OR10AD1: variants seen among roughly 807,000 people sequenced by gnomAD.
OR10AD1 encodes the protein olfactory receptor 10AD1.
For synonymous variants in OR10AD1, 115 were observed against 72.2 expected, an observed-to-expected ratio of 1.59 and a Z score of -3.00; for missense variants, 309 against 192.7, an observed-to-expected ratio of 1.60 and a Z score of -3.57.
chr12:48,202,439 A>G lies in OR10AD1; in HGVS notation c.854T>C (p.Met285Thr), dbSNP rs1441111384. The change falls in exon 1 of 1, where the codon ATG becomes ACG. Residue 285 changes from methionine (M) to threonine (T), a missense_variant. Transcript: ENST00000310248. ...GAAACTATAAATGATGGGGTTGCACATGGGGGTAATGATGGTGTACAGGAG... is the reference window on the plus strand; with the variant it reads ...GAAACTATAAATGATGGGGTTGCACGTGGGGGTAATGATGGTGTACAGGAG... ...FSLLYTIITP[M>T]CNPIIYSFRN... 1 of 780,938 alleles carries G rather than the reference A, an allele frequency of 1.3e-6. No homozygotes were observed. The highest frequency in any genetic ancestry group is 1.7e-5 in the Admixed American group (1 of 59,020). 48.4% of individuals were successfully genotyped at this position (780,938 alleles called of 1,614,324 possible). A position where few individuals can be genotyped will look rare whatever the true frequency, so the allele number is the denominator to read the frequency against.
At position 48,202,576 on chromosome 12, in the gene OR10AD1, GAAAGTCTTC is replaced by G. The variant is rs749821925; in HGVS notation, c.708_716del (p.Lys237_Phe239del). On this transcript the variant is annotated inframe_deletion, in exon 1 of 1. Transcript: ENST00000310248. ...CAGTCAGGTGAGAGGCACAAGTAGAGAAAGTCTTCCCCCGACCTGAGGAGGAGGCTTTGC... is the reference window on the plus strand; with the variant it reads ...CAGTCAGGTGAGAGGCACAAGTAGAGCCCCGACCTGAGGAGGAGGCTTTGC... 10 of 781,094 alleles carry G rather than the reference GAAAGTCTTC, an allele frequency of 1.3e-5. No homozygotes were observed. The highest frequency in any genetic ancestry group is 2.4e-5 in the Non-Finnish European group (10 of 418,134). 48.4% of individuals were successfully genotyped at this position (781,094 alleles called of 1,614,324 possible).
chr12:48,202,477 G>A lies in OR10AD1; in HGVS notation c.816C>T (p.Asp272=). The change falls in exon 1 of 1, where the codon GAC becomes GAT. Residue 272 remains aspartate, a synonymous_variant. Transcript: ENST00000310248. ...TGGTGTACAGGAGGGAGAAAGGTTT[G>A]TCTTTGTCAGGCCCATGTGTGCTGT... ...NPHSTHGPDK[D]KPFSLLYTII... is the part of the protein sequence containing the mutation. 1.3e-6 allele frequency: 1 copy of A among 781,036 alleles called. No individual in the cohort carries two copies. Among genetic ancestry groups the A allele is most frequent in the Middle Eastern group, 2.3e-4 (1 of 4,442 alleles). The allele number at this position is 781,036 out of a possible 1,614,324, so 48.4% of individuals were successfully genotyped here. A position where few individuals can be genotyped will look rare whatever the true frequency, so the allele number is the denominator to read the frequency against.
In OR10AD1 at chr12:48,202,879, GC is replaced by G; in HGVS notation, c.413del (p.Ser138ThrfsTer17). 1.3e-6 allele frequency: 1 copy of G among 780,998 alleles called. No homozygotes were observed. Among genetic ancestry groups the G allele is most frequent in the Non-Finnish European group, 2.4e-6 (1 of 418,112 alleles). The allele number at this position is 780,998 out of a possible 1,614,324, so 48.4% of individuals were successfully genotyped here. ...CYPLNYVPII[S>X]QKVCVRLVGT... ...CCACAAGCCTGACACAGACCTTCTG[GC>G]TTATGATCGGGACATAGTTAAGTGG... On this transcript the variant is annotated frameshift_variant, in exon 1 of 1. Coordinates refer to ENST00000310248, the MANE Select transcript of OR10AD1 (RefSeq NM_001004134.1). LOFTEE classifies it low-confidence loss of function (END_TRUNC).
Position 48,202,740 on chromosome 12 carries a change from C to T in OR10AD1, c.553G>A (p.Val185Met). 1.3e-6 allele frequency: 1 copy of T among 781,020 alleles called. No individual in the cohort carries two copies. Among genetic ancestry groups the T allele is most frequent in the Non-Finnish European group, 2.4e-6 (1 of 418,096 alleles). 48.4% of individuals were successfully genotyped at this position (781,020 alleles called of 1,614,324 possible). A position where few individuals can be genotyped will look rare whatever the true frequency, so the allele number is the denominator to read the frequency against. ...GGGTCCCCACAAGAGAGGCCAATCACTATGGGGGCCTCACAGAAGAAGCTT... is the reference window on the plus strand; with the variant it reads ...GGGTCCCCACAAGAGAGGCCAATCATTATGGGGGCCTCACAGAAGAAGCTT... ...IESFFCEAPI[V>M]IGLSCGDPQF... The change falls in exon 1 of 1, where the codon GTG becomes ATG. Residue 185 changes from valine to methionine, a missense_variant. Val to Met is a conservative substitution (Grantham distance 21). Transcript: ENST00000310248.
rs1951607231 is a variant in OR10AD1, at chr12:48,203,060, G to T, written c.233C>A (p.Thr78Asn). Residue 78 changes from threonine (T) to asparagine (N), a missense_variant, in exon 1 of 1, where the codon ACC becomes AAC. By Grantham distance (65) the Thr-to-Asn change is moderately conservative. Coordinates refer to ENST00000310248, the MANE Select transcript of OR10AD1 (RefSeq NM_001004134.1). The stretch of plus-strand genomic sequence containing the variant: ...GAGGTGGATCAACATCTGTGGGATG[G>T]TAGTGGTGATGAAGCAGACATCCAG... The part of the protein sequence containing the change: ...SLLDVCFITT[T>N]IPQMLIHLVV... 1 of 780,796 alleles carries T rather than the reference G, an allele frequency of 1.3e-6. No homozygotes were observed. The highest frequency in any genetic ancestry group is 1.7e-5 in the African/African-American group (1 of 59,180). The allele number at this position is 780,796 out of a possible 1,614,324, so 48.4% of individuals were successfully genotyped here.
rs1202781551 is a variant in OR10AD1, at chr12:48,202,389, T to C, written c.904A>G (p.Met302Val). 1 of 780,252 alleles carries C rather than the reference T, an allele frequency of 1.3e-6. No homozygotes were observed. The highest frequency in any genetic ancestry group is 1.3e-5 in the South Asian group (1 of 74,532). 48.3% of individuals were successfully genotyped at this position (780,252 alleles called of 1,614,324 possible). A position where few individuals can be genotyped will look rare whatever the true frequency, so the allele number is the denominator to read the frequency against. Reference sequence around the variant, plus strand: ...CTGGTTCTTCCAAGTGCCCTCACCATGGCCTCCTTAATTTCCTTGTTGCGG... The same window carrying C: ...CTGGTTCTTCCAAGTGCCCTCACCACGGCCTCCTTAATTTCCTTGTTGCGG... Reference protein sequence around the residue: ...SFRNKEIKEAMVRALGRTRLA... With the variant: ...SFRNKEIKEAVVRALGRTRLA... Residue 302 changes from methionine to valine, a missense_variant, in exon 1 of 1, where the codon ATG becomes GTG. Coordinates refer to ENST00000310248, the MANE Select transcript of OR10AD1 (RefSeq NM_001004134.1).
chr12:48,202,568 C>G lies in OR10AD1; in HGVS notation c.725G>C (p.Cys242Ser). 1.3e-6 allele frequency: 1 copy of G among 780,966 alleles called. No homozygotes were observed. Among genetic ancestry groups the G allele is most frequent in the Non-Finnish European group, 2.4e-6 (1 of 418,102 alleles). 48.4% of individuals were successfully genotyped at this position (780,966 alleles called of 1,614,324 possible). Residue 242 changes from cysteine to serine, a missense_variant, in exon 1 of 1, where the codon TGT becomes TCT. By Grantham distance (112) the Cys-to-Ser change is moderately radical. Transcript: ENST00000310248. ...SSGRGKTFST[C>S]ASHLTVVIFL... Reference sequence around the variant, plus strand: ...GATGACCACAGTCAGGTGAGAGGCACAAGTAGAGAAAGTCTTCCCCCGACC... The same window carrying G: ...GATGACCACAGTCAGGTGAGAGGCAGAAGTAGAGAAAGTCTTCCCCCGACC...
chr12:48,202,436 C>G lies in OR10AD1; in HGVS notation c.857G>C (p.Cys286Ser). The change falls in exon 1 of 1, where the codon TGC (cysteine) becomes TCC (serine). Residue 286 changes from cysteine (C) to serine (S), a missense_variant. Transcript: ENST00000310248. Reference protein sequence around the residue: ...SLLYTIITPMCNPIIYSFRNK... With the variant: ...SLLYTIITPMSNPIIYSFRNK... ...GCGGAAACTATAAATGATGGGGTTG[C>G]ACATGGGGGTAATGATGGTGTACAG... 1.3e-6 allele frequency: 1 copy of G among 781,016 alleles called. No homozygotes were observed. Among genetic ancestry groups the G allele is most frequent in the Non-Finnish European group, 2.4e-6 (1 of 418,130 alleles). The allele number at this position is 781,016 out of a possible 1,614,324, so 48.4% of individuals were successfully genotyped here.
rs773549588 is a variant in OR10AD1 at position 48,202,475 on chromosome 12, TTG to T, written c.816_817del (p.Asp272GlufsTer20). On this transcript the variant is annotated frameshift_variant, in exon 1 of 1. Coordinates refer to ENST00000310248, the MANE Select transcript of OR10AD1 (RefSeq NM_001004134.1). LOFTEE classifies it low-confidence loss of function (END_TRUNC). ...GATGGTGTACAGGAGGGAGAAAGGT[TTG>T]TCTTTGTCAGGCCCATGTGTGCTGT... 1.7e-5 allele frequency: 13 copies of T among 781,054 alleles called. No individual in the cohort carries two copies. Among genetic ancestry groups the T allele is most frequent in the Non-Finnish European group, 3.1e-5 (13 of 418,120 alleles). 48.4% of individuals were successfully genotyped at this position (781,054 alleles called of 1,614,324 possible). A position where few individuals can be genotyped will look rare whatever the true frequency, so the allele number is the denominator to read the frequency against.
chr12:48,202,440 T>C lies in OR10AD1; in HGVS notation c.853A>G (p.Met285Val), dbSNP rs774565399. ...FSLLYTIITP[M>V]CNPIIYSFRN... is the part of the protein sequence containing the mutation. ...AAACTATAAATGATGGGGTTGCACA[T>C]GGGGGTAATGATGGTGTACAGGAGG... The change falls in exon 1 of 1, where the codon ATG (methionine) becomes GTG (valine). Residue 285 changes from methionine to valine, a missense_variant. Met to Val is a conservative substitution (Grantham distance 21). Coordinates refer to ENST00000310248, the MANE Select transcript of OR10AD1 (RefSeq NM_001004134.1). 2 of 780,904 alleles carry C rather than the reference T, an allele frequency of 2.6e-6. No homozygotes were observed. Among genetic ancestry groups the C allele is most frequent in the East Asian group, 2.4e-5 (1 of 41,266 alleles). The allele number at this position is 780,904 out of a possible 1,614,324, so 48.4% of individuals were successfully genotyped here.
rs748206108 is a variant in OR10AD1, at chr12:48,202,529, G to C, written c.764C>G (p.Ser255Ter). The C allele has an allele frequency of 1.3e-6, 1 of 781,058 alleles. No homozygotes were observed. Among genetic ancestry groups the C allele is most frequent in the Non-Finnish European group, 2.4e-6 (1 of 418,110 alleles). The allele number at this position is 781,058 out of a possible 1,614,324, so 48.4% of individuals were successfully genotyped here. The change falls in exon 1 of 1, where the codon TCA becomes TGA. Residue 255 changes from serine to a stop codon, truncating the protein, a stop_gained. Transcript: ENST00000310248. LOFTEE classifies it low-confidence loss of function (END_TRUNC). ...HLTVVIFLYTSAMFSYMNPHS... is the reference protein window; with the variant it reads ...HLTVVIFLYT ...GGGGTTCATGTAAGAGAACATAGCTGAAGTGTAGAGAAAGATGACCACAGT... is the reference window on the plus strand; with the variant it reads ...GGGGTTCATGTAAGAGAACATAGCTCAAGTGTAGAGAAAGATGACCACAGT...
Position 48,202,388 on chromosome 12 carries a change from A to G in OR10AD1, c.905T>C (p.Met302Thr), listed in dbSNP as rs747734449. 1 of 780,126 alleles carries G rather than the reference A, an allele frequency of 1.3e-6. No homozygotes were observed. The highest frequency in any genetic ancestry group is 1.3e-5 in the South Asian group (1 of 74,512). The allele number at this position is 780,126 out of a possible 1,614,324, so 48.3% of individuals were successfully genotyped here. ...CCTGGTTCTTCCAAGTGCCCTCACCATGGCCTCCTTAATTTCCTTGTTGCG... is the reference window on the plus strand; with the variant it reads ...CCTGGTTCTTCCAAGTGCCCTCACCGTGGCCTCCTTAATTTCCTTGTTGCG... ...SFRNKEIKEA[M>T]VRALGRTRLA... Residue 302 changes from methionine to threonine, a missense_variant, in exon 1 of 1, where the codon ATG (methionine) becomes ACG (threonine). By Grantham distance (81) the Met-to-Thr change is moderately conservative. Coordinates refer to ENST00000310248, the MANE Select transcript of OR10AD1 (RefSeq NM_001004134.1).
rs11830378 is a variant in OR10AD1 at position 48,202,471 on chromosome 12, A to C, written c.822T>G (p.Pro274=). 0.075 allele frequency: 58,243 copies of C among 780,960 alleles called. 2,710 individuals carry two copies. Among genetic ancestry groups the C allele is most frequent in the Non-Finnish European group, 0.095 (39,659 of 418,082 alleles). 48.4% of individuals were successfully genotyped at this position (780,960 alleles called of 1,614,324 possible). A position where few individuals can be genotyped will look rare whatever the true frequency, so the allele number is the denominator to read the frequency against. The change falls in exon 1 of 1, where the codon CCT becomes CCG. Residue 274 remains proline, a synonymous_variant. Transcript: ENST00000310248. ...TAATGATGGTGTACAGGAGGGAGAA[A>C]GGTTTGTCTTTGTCAGGCCCATGTG... The part of the protein sequence containing the change: ...HSTHGPDKDK[P]FSLLYTIITP...
At position 48,203,198 on chromosome 12, in the gene OR10AD1, A is replaced by G. The variant is rs781747840; in HGVS notation, c.95T>C (p.Leu32Ser). ...GGCCATGGTGAGGCTGTAGAGGGCC[A>G]AGAAGAGGGCAAAGAGCAATGCTCG... The part of the protein sequence containing the change: ...STRALLFALF[L>S]ALYSLTMAMN... The change falls in exon 1 of 1, where the codon TTG becomes TCG. Residue 32 changes from leucine to serine, a missense_variant. Coordinates refer to ENST00000310248, the MANE Select transcript of OR10AD1 (RefSeq NM_001004134.1). 1.3e-6 allele frequency: 1 copy of G among 781,094 alleles called. No homozygotes were observed. The highest frequency in any genetic ancestry group is 2.4e-5 in the East Asian group (1 of 41,246). 48.4% of individuals were successfully genotyped at this position (781,094 alleles called of 1,614,324 possible).
Position 48,203,259 on chromosome 12 carries a change from T to C in OR10AD1, c.34A>G (p.Ile12Val), listed in dbSNP as rs1951610261. The change falls in exon 1 of 1, where the codon ATC becomes GTC. Residue 12 changes from isoleucine (I) to valine (V), a missense_variant. Ile to Val is a conservative substitution (Grantham distance 29, BLOSUM62 3). Coordinates refer to ENST00000310248, the MANE Select transcript of OR10AD1 (RefSeq NM_001004134.1). ...GAGCTCTGCTGAAAGCCCACGAGGA[T>C]AAATTCCGTCACTATGCTGCCATTC... Reference protein sequence around the residue: ...LRNGSIVTEFILVGFQQSSTS... With the variant: ...LRNGSIVTEFVLVGFQQSSTS... The C allele has an allele frequency of 1.3e-6, 1 of 780,770 alleles. No homozygotes were observed. Among genetic ancestry groups the C allele is most frequent in the African/African-American group, 1.7e-5 (1 of 59,148 alleles). The allele number at this position is 780,770 out of a possible 1,614,324, so 48.4% of individuals were successfully genotyped here.
chr12:48,203,221 T>C lies in OR10AD1; in HGVS notation c.72A>G (p.Arg24=). 1 of 781,052 alleles carries C rather than the reference T, an allele frequency of 1.3e-6. No homozygotes were observed. The highest frequency in any genetic ancestry group is 2.4e-6 in the Non-Finnish European group (1 of 418,124). The allele number at this position is 781,052 out of a possible 1,614,324, so 48.4% of individuals were successfully genotyped here. ...VGFQQSSTST[R]ALLFALFLAL... ...CCAAGAAGAGGGCAAAGAGCAATGCTCGTGTGGAAGTGGAGCTCTGCTGAA... is the reference window on the plus strand; with the variant it reads ...CCAAGAAGAGGGCAAAGAGCAATGCCCGTGTGGAAGTGGAGCTCTGCTGAA... Residue 24 remains arginine (R), a synonymous_variant, in exon 1 of 1, where the codon CGA becomes CGG. Transcript: ENST00000310248.
chr12:48,202,758 A>G lies in OR10AD1; in HGVS notation c.535T>C (p.Phe179Leu), dbSNP rs1951603016. The change falls in exon 1 of 1, where the codon TTC becomes CTC. Residue 179 changes from phenylalanine (F) to leucine (L), a missense_variant. By Grantham distance (22) the Phe-to-Leu change is conservative. Coordinates refer to ENST00000310248, the MANE Select transcript of OR10AD1 (RefSeq NM_001004134.1). Reference protein sequence around the residue: ...FRRDNHIESFFCEAPIVIGLS... With the variant: ...FRRDNHIESFLCEAPIVIGLS... The stretch of plus-strand genomic sequence containing the variant: ...CCAATCACTATGGGGGCCTCACAGA[A>G]GAAGCTTTCTATGTGGTTGTCTCTG... 2 of 781,022 alleles carry G rather than the reference A, an allele frequency of 2.6e-6. No individual in the cohort carries two copies. Among genetic ancestry groups the G allele is most frequent in the Non-Finnish European group, 2.4e-6 (1 of 418,088 alleles). 48.4% of individuals were successfully genotyped at this position (781,022 alleles called of 1,614,324 possible).
chr12:48,202,500 T>C lies in OR10AD1; in HGVS notation c.793A>G (p.Ser265Gly), dbSNP rs1363714771. The change falls in exon 1 of 1, where the codon AGC (serine) becomes GGC (glycine). Residue 265 changes from serine to glycine, a missense_variant. Transcript: ENST00000310248. ...TTGTCTTTGTCAGGCCCATGTGTGC[T>C]GTGGGGGTTCATGTAAGAGAACATA... ...SAMFSYMNPH[S>G]THGPDKDKPF... 11 of 780,920 alleles carry C rather than the reference T, an allele frequency of 1.4e-5. No homozygotes were observed. The highest frequency in any genetic ancestry group is 1.9e-5 in the Non-Finnish European group (8 of 418,116). 48.4% of individuals were successfully genotyped at this position (780,920 alleles called of 1,614,324 possible).
rs772309124 is a variant in OR10AD1 at position 48,202,532 on chromosome 12, G to T, written c.761C>A (p.Thr254Asn). Reference protein sequence around the residue: ...SHLTVVIFLYTSAMFSYMNPH... With the variant: ...SHLTVVIFLYNSAMFSYMNPH... ...GTTCATGTAAGAGAACATAGCTGAA[G>T]TGTAGAGAAAGATGACCACAGTCAG... The change falls in exon 1 of 1, where the codon ACT (threonine) becomes AAT (asparagine). Residue 254 changes from threonine (T) to asparagine (N), a missense_variant. Transcript: ENST00000310248. 1.2e-4 allele frequency: 94 copies of T among 781,090 alleles called. 1 individual carries two copies. The South Asian group carries it at 1.2e-3, about 10-fold the overall frequency. The allele number at this position is 781,090 out of a possible 1,614,324, so 48.4% of individuals were successfully genotyped here. A position where few individuals can be genotyped will look rare whatever the true frequency, so the allele number is the denominator to read the frequency against.
Sources: allele counts gnomAD v4.1 joint callset, GRCh38; gene constraint gnomAD v4.1.1; transcripts MANE v1.5; gene names NCBI Gene and HGNC (gene_info 2026-07-23, HGNC 2026-07-21).